Variants in NAV2 observed in about 807,000 individuals in gnomAD.
NAV2 encodes neuron navigator 2.
NAV2 carries 54 observed loss-of-function variants against 223.2 expected under a neutral mutation model. That is an observed-to-expected ratio of 0.24 (90% CI 0.19 to 0.30). The LOEUF (loss-of-function observed/expected upper bound fraction) is 0.30, where lower values mean the gene tolerates loss of function less well. Among genes scored for constraint, NAV2 ranks in the 10% least tolerant of loss-of-function variants. NAV2 has a pLI of 1.00. For missense variants in NAV2, 2,806 were observed against 3,147.5 expected, an observed-to-expected ratio of 0.89 and a Z score of 2.60; for synonymous variants, 1,279 against 1,239.3, an observed-to-expected ratio of 1.03 and a Z score of -0.67.
chr11:19,516,883 C>T (rs1194590064), intron 1 of NAV2, among the ~76,000 whole-genome samples: 2 of 152,026 alleles, frequency 1.3e-5, no homozygotes, highest in Admixed American at 1.3e-4. Context: ...AAGAAAGACA[C>T]AATGGTAGAT....
chr11:19,891,105 C>T (rs1234826688), intron 5 of NAV2, among the ~76,000 whole-genome samples: 6 of 152,148 alleles, frequency 3.9e-5, no homozygotes, highest in African/African-American at 1.4e-4. Context: ...TCTTGCCCAG[C>T]CAACAAGAAA....
chr11:19,956,380 A>G (rs1012667976), intron 10 of NAV2, among the ~76,000 whole-genome samples: 2 of 147,412 alleles, frequency 1.4e-5, no homozygotes, highest in African/African-American at 5.0e-5. Flanking sequence ...ACACACACAC[A>G]CACACACACA....
intron 11 of NAV2, among the ~76,000 whole-genome samples, chr11:19,988,097 C>T (rs926653132): frequency 1.3e-5 from 2 of 152,174 alleles, no homozygotes; most frequent in African/African-American, 4.8e-5. Context: ...AAGTTGAGAG[C>T]TTTGATAGTG....
At chr11:19,491,527 G>A (rs2042626382) in intron 1 of NAV2, among the ~76,000 whole-genome samples, 1 of 152,148 alleles carries the variant, frequency 6.6e-6, no homozygotes, top group Non-Finnish European at 1.5e-5. Flanking sequence ...TTCCTCTGCA[G>A]CTTCCTCATC....
chr11:19,841,872 C>A (rs1334344292), intron 2 of NAV2, among the ~76,000 whole-genome samples: 1 of 152,160 alleles, frequency 6.6e-6, no homozygotes, highest in Non-Finnish European at 1.5e-5. Flanking sequence ...GTGTTGGGCA[C>A]CGTGCTAAGC....
intron 1 of NAV2, among the ~76,000 whole-genome samples, chr11:19,723,154 A>G (rs371725161): frequency 5.3e-5 from 8 of 152,232 alleles, no homozygotes; most frequent in African/African-American, 1.4e-4. Flanking sequence ...TTAGTTGGTT[A>G]GGAAAGGGAG....
chr11:19,838,393 A>C (rs1349526529), intron 2 of NAV2, among the ~76,000 whole-genome samples: 5 of 152,144 alleles, frequency 3.3e-5, no homozygotes, highest in Non-Finnish European at 7.3e-5. Context: ...AGACTTTATT[A>C]AAGTGAGACA....
chr11:19,894,501 C>T (rs922005978), intron 6 of NAV2, among the ~76,000 whole-genome samples: 2 of 152,140 alleles, frequency 1.3e-5, no homozygotes, highest in Non-Finnish European at 2.9e-5. Flanking sequence ...ATAAAAGTTC[C>T]TGGTGGATTT....
At chr11:19,879,651 C>T (rs1296792399) in intron 4 of NAV2, among the ~76,000 whole-genome samples, 1 of 152,158 alleles carries the variant, frequency 6.6e-6, no homozygotes, top group Non-Finnish European at 1.5e-5. Context: ...ACCAGACATC[C>T]AGTTGCACTT....
At chr11:19,564,142 G>T (rs1260769344) in intron 1 of NAV2, among the ~76,000 whole-genome samples, 2 of 152,140 alleles carry the variant, frequency 1.3e-5, no homozygotes, top group Middle Eastern at 3.2e-3. Context: ...GAGAAGCCTG[G>T]CCTACCCATT....
chr11:19,998,386 C>T lies in NAV2; in HGVS notation c.2768+14139C>T, dbSNP rs138223030. Among the ~76,000 whole-genome samples the T allele has an allele frequency of 7.0e-4, 107 of 152,248 alleles. 2 individuals are homozygous for T. In the East Asian group the frequency reaches 0.018, roughly 25 times the overall value. ...AGCTCTCCCACTGCAGCCTTCCAGGCCCACTGTACCCACCAGGGCCTTCAT... is the reference window on the plus strand; with the variant it reads ...AGCTCTCCCACTGCAGCCTTCCAGGTCCACTGTACCCACCAGGGCCTTCAT... On this transcript the variant is annotated intron_variant, in intron 11 of 37. Transcript: ENST00000349880. This position sits in a 1 kb window ranked among gnomAD's most constrained non-coding sequence, Gnocchi z 5.0.
At chr11:19,867,616 A>G (rs1393031145) in intron 3 of NAV2, among the ~76,000 whole-genome samples, 1 of 88,870 alleles carries the variant, frequency 1.1e-5, no homozygotes, top group Non-Finnish European at 2.3e-5. Flanking sequence ...GAGATGAGAA[A>G]ATGTCTTCCA....
At chr11:19,549,001 T>C (rs1286970770) in intron 1 of NAV2, among the ~76,000 whole-genome samples, 3 of 151,998 alleles carry the variant, frequency 2.0e-5, no homozygotes, top group Non-Finnish European at 2.9e-5. Flanking sequence ...GGGTTACAGA[T>C]AAGAAAGGTA....
chr11:20,096,140 G>A (rs1245880290), intron 30 of NAV2, among the ~76,000 whole-genome samples: 1 of 152,200 alleles, frequency 6.6e-6, no homozygotes, highest in African/African-American at 2.4e-5. Context: ...TTAGACACCA[G>A]ATTTCTAGCC....
At position 19,713,772 on chromosome 11, in the gene NAV2, A is replaced by C; in HGVS notation, c.77A>C (p.His26Pro). ...GTGCACAGCGCCGCGCCCATCCTGCACGTGCCCCCGGCCCGGGCGGGCCCC... is the reference window on the plus strand; with the variant it reads ...GTGCACAGCGCCGCGCCCATCCTGCCCGTGCCCCCGGCCCGGGCGGGCCCC... ...KPVHSAAPILHVPPARAGPQP... is the reference protein window; with the variant it reads ...KPVHSAAPILPVPPARAGPQP... Residue 26 changes from histidine to proline, a missense_variant, in exon 1 of 38, where the codon CAC becomes CCC. Physicochemically the swap from His to Pro is moderately conservative, Grantham distance 77. Coordinates refer to ENST00000349880, the MANE Select transcript of NAV2 (RefSeq NM_145117.5). This position sits in a 1 kb window ranked among gnomAD's most constrained non-coding sequence, Gnocchi z 7.2. 6.2e-7 allele frequency: 1 copy of C among 1,612,862 alleles called. No homozygotes were observed. Among genetic ancestry groups the C allele is most frequent in the Non-Finnish European group, 8.5e-7 (1 of 1,179,726 alleles).
intron 10 of NAV2, among the ~76,000 whole-genome samples, chr11:19,953,028 T>G (rs1273860561): frequency 2.0e-5 from 3 of 152,308 alleles, no homozygotes; most frequent in South Asian, 2.1e-4. Flanking sequence ...TCTTACTAGG[T>G]TTTGATCTGT....
At chr11:19,417,920 G>A (rs182787942) in intron 1 of NAV2, among the ~76,000 whole-genome samples, 161 of 152,212 alleles carry the variant, frequency 1.1e-3, no homozygotes, top group African/African-American at 3.1e-3. Flanking sequence ...GTCGAAAAAC[G>A]AGAACACATG....
rs372470255 is a variant in NAV2 at position 19,449,760 on chromosome 11, C to T, written c.75+98733C>T. On this transcript the variant is annotated intron_variant, in intron 1 of 37. Transcript: ENST00000360655. ...GGGCCATGAGAGCACCTTCTATGTC[C>T]GCAGTGCCTGGCCCAGAGCAAGTCA... 2.9e-3 allele frequency among the ~76,000 whole-genome samples: 444 copies of T among 152,202 alleles called. 1 individual carries two copies. Among genetic ancestry groups the T allele is most frequent in the African/African-American group, 8.9e-3 (371 of 41,550 alleles).
chr11:19,902,515 A>T (rs1382226658), intron 6 of NAV2, among the ~76,000 whole-genome samples: 1 of 152,252 alleles, frequency 6.6e-6, no homozygotes, highest in African/African-American at 2.4e-5. Context: ...AAGAGAAAAT[A>T]TATCATTTGG....
Sources: gnomAD v4.1 joint callset for allele counts (sites outside exome capture counted in the v4.1 genomes callset) on GRCh38, gnomAD v4.1.1 for gene constraint, Gnocchi (gnomAD v3.1) non-coding constraint, MANE v1.5 for transcripts, NCBI Gene and HGNC (gene_info 2026-07-23, HGNC 2026-07-21) for gene names.